Variants in CASK observed in about 807,000 individuals in gnomAD.
The protein encoded by CASK is peripheral plasma membrane protein CASK.
A neutral mutation model predicts 82.9 loss-of-function variants in CASK; 4 were observed. The observed-to-expected ratio is 0.05, with a 90% CI of 0.02 to 0.11. The LOEUF (loss-of-function observed/expected upper bound fraction) is 0.11, where lower values mean the gene tolerates loss of function less well. CASK is among the 10% of genes least tolerant of loss of function. The pLI is 1.00. For missense variants in CASK, 358 were observed against 720.9 expected (o/e 0.50, Z 5.76); for synonymous variants, 259 against 253.5 (o/e 1.02, Z -0.20).
chrX:41,524,527 CT>C (rs1225182944), intron 25 of CASK: 1 of 138,666 alleles, frequency 7.2e-6, no homozygotes, highest in African/African-American at 3.3e-5. Context: ...GAAAAGCCCC[CT>C]GGGACTCCTG....
At chrX:41,806,885 T>C (rs955221723) in intron 2 of CASK, among the ~76,000 whole-genome samples, 1 of 111,563 alleles carries the variant, frequency 9.0e-6, no homozygotes, top group African/African-American at 3.3e-5. Context: ...TGATTACTTA[T>C]GAAGGAGGGT....
At chrX:41,682,028 T>C (rs1475443038) in intron 5 of CASK, among the ~76,000 whole-genome samples, 2 of 45,837 alleles carry the variant, frequency 4.4e-5, no homozygotes, top group East Asian at 5.5e-4. Context: ...CATCTCAAGA[T>C]AAATGAATCC....
intron 2 of CASK, among the ~76,000 whole-genome samples, chrX:41,843,858 T>G (rs185893882): frequency 8.9e-6 from 1 of 111,808 alleles, no homozygotes. Context: ...TATATCAGTA[T>G]GTCATTCCTT....
At position 41,691,754 on chromosome X, in the gene CASK, C is replaced by T. The variant is rs191356897; in HGVS notation, c.430-20224G>A. Among the ~76,000 whole-genome samples, 856 of 97,634 alleles carry T rather than the reference C, an allele frequency of 8.8e-3. 9 individuals carry two copies. The highest frequency in any genetic ancestry group is 0.029 in the Middle Eastern group (5 of 175). 84.8% of individuals were successfully genotyped at this position (97,634 alleles called of 115,157 possible). On this transcript the variant is annotated intron_variant, in intron 5 of 26. Coordinates refer to ENST00000378163, the MANE Select transcript of CASK (RefSeq NM_001367721.1). ...TACTTGGGAGGCTGAGGCAGGAGAACTGCTTGAACTCGGGAGGCGGAGGTT... is the reference window on the plus strand; with the variant it reads ...TACTTGGGAGGCTGAGGCAGGAGAATTGCTTGAACTCGGGAGGCGGAGGTT...
At chrX:41,867,500 A>C (rs766251516) in intron 1 of CASK, among the ~76,000 whole-genome samples, 1 of 112,567 alleles carries the variant, frequency 8.9e-6, no homozygotes, top group East Asian at 2.8e-4. Flanking sequence ...AGGTAAACAA[A>C]AGCTGTAAAA....
chrX:41,583,045 C>T (rs184057321), intron 14 of CASK, among the ~76,000 whole-genome samples: 1 of 111,887 alleles, frequency 8.9e-6, no homozygotes, highest in Non-Finnish European at 1.9e-5. Flanking sequence ...GTCCTTAGTG[C>T]CTGGCATAGT....
chrX:41,873,283 CAAAAAAAAA>C (rs1175165867), intron 1 of CASK, among the ~76,000 whole-genome samples: 1 of 31,298 alleles, frequency 3.2e-5, no homozygotes, highest in Non-Finnish European at 5.5e-5. Flanking sequence ...TTCTTCCTCA[CAAAAAAAAA>C]AAAAAAAAAA....
chrX:41,611,975 G>A (rs1283647458), intron 11 of CASK, among the ~76,000 whole-genome samples: 3 of 112,378 alleles, frequency 2.7e-5, no homozygotes, highest in Non-Finnish European at 5.7e-5. Context: ...TGCCGGGATT[G>A]CAGATGGAGT....
At chrX:41,716,440 C>T (rs186969071) in intron 5 of CASK, among the ~76,000 whole-genome samples, 22 of 112,637 alleles carry the variant, frequency 2.0e-4, no homozygotes, top group African/African-American at 6.4e-4. Context: ...TAGATTTCTC[C>T]GCTTTTCTGA....
chrX:41,739,491 C>T, intron 4 of CASK, 35 bp from the exon 5 acceptor site: 1 of 938,118 alleles, frequency 1.1e-6, no homozygotes, highest in Non-Finnish European at 1.5e-6. Context: ...AAACTGTAAA[C>T]AATTTTTATT....
At chrX:41,807,067 G>A (rs2070139259) in intron 2 of CASK, among the ~76,000 whole-genome samples, 1 of 111,666 alleles carries the variant, frequency 9.0e-6, no homozygotes, top group African/African-American at 3.3e-5. Flanking sequence ...AAACTGAAAA[G>A]AGACTAATTA....
At chrX:41,540,475 A>T (rs1450929562) in intron 22 of CASK, among the ~76,000 whole-genome samples, 1 of 112,645 alleles carries the variant, frequency 8.9e-6, no homozygotes, top group Non-Finnish European at 1.9e-5. Flanking sequence ...AGGCCCAGTG[A>T]TGAAAGAACC....
chrX:41,915,762 G>A (rs1021143796), intron 1 of CASK, among the ~76,000 whole-genome samples: 4 of 109,929 alleles, frequency 3.6e-5, no homozygotes, highest in Non-Finnish European at 7.6e-5. Context: ...GGCCAAGGCG[G>A]GTGGATCACG....
rs139271126 is a variant in CASK, at chrX:41,789,358, G to A, written c.173-2075C>T. Among the ~76,000 whole-genome samples the A allele has an allele frequency of 9.7e-4, 108 of 111,722 alleles. No individual in the cohort carries two copies. In the East Asian group the frequency reaches 0.023, roughly 24 times the overall value. On this transcript the variant is annotated intron_variant, in intron 2 of 26. Coordinates refer to ENST00000378163, the MANE Select transcript of CASK (RefSeq NM_001367721.1). The stretch of plus-strand genomic sequence containing the variant: ...CAGAGTCTACCAAATCAGTTGGAGA[G>A]GGCAGTGTTAAGATTCTAATGAGAA...
At chrX:41,612,900 C>G (rs2066115145) in intron 11 of CASK, among the ~76,000 whole-genome samples, 1 of 100,781 alleles carries the variant, frequency 9.9e-6, no homozygotes, top group Non-Finnish European at 2.0e-5. Flanking sequence ...AGCCCCCCGC[C>G]CGGCCAGCCG....
At chrX:41,575,144 G>T (rs34912968) in intron 15 of CASK, among the ~76,000 whole-genome samples, 16,426 of 111,626 alleles carry the variant, frequency 0.15, 952 homozygotes, top group Middle Eastern at 0.18. Context: ...ACTAATAGAT[G>T]TATGTATTCA....
chrX:41,785,002 CT>C (rs368185380), intron 3 of CASK, among the ~76,000 whole-genome samples: 9,015 of 74,619 alleles, frequency 0.12, 393 homozygotes, highest in Non-Finnish European at 0.19. Flanking sequence ...TTTCAAAATT[CT>C]TTTTTTTTTT....
intron 13 of CASK, chrX:41,587,326 A>G (rs1259215402): frequency 7.0e-6 from 1 of 142,820 alleles, no homozygotes; most frequent in Admixed American, 8.1e-5. Flanking sequence ...TCACCATAAA[A>G]ATCAATATGG....
intron 14 of CASK, among the ~76,000 whole-genome samples, chrX:41,581,669 A>T (rs2065581961): frequency 9.1e-6 from 1 of 109,793 alleles, no homozygotes; most frequent in East Asian, 2.8e-4. Context: ...AAATACCAAG[A>T]TTTTGAAGCC....
Sources: gnomAD v4.1 joint callset for allele counts (sites outside exome capture counted in the v4.1 genomes callset) on GRCh38, gnomAD v4.1.1 for gene constraint, MANE v1.5 for transcripts, NCBI Gene and HGNC (gene_info 2026-07-23, HGNC 2026-07-21) for gene names.